The following WDR41 variants were observed in gnomAD, a reference collection of about 807,000 sequenced individuals.
WDR41 encodes the protein WD repeat domain 41.
Under a neutral mutation model 69.3 loss-of-function variants are expected in WDR41, and 63 were observed. The ratio of observed to expected loss-of-function variants is 0.91; its 90% CI spans 0.74 to 1.12. WDR41 has a LOEUF of 1.12. Ranked by LOEUF, WDR41 falls within the 50% of genes most tolerant of loss-of-function variation. The probability of loss-of-function intolerance (pLI) is 0.00; values close to 1 mark genes in which losing one functional copy is unlikely to be tolerated. For synonymous variants in WDR41, 185 were observed against 192.1 expected, an observed-to-expected ratio of 0.96 and a Z score of 0.31; for missense variants, 543 against 534.5, an observed-to-expected ratio of 1.02 and a Z score of -0.16.
Position 77,432,566 on chromosome 5 carries a change from T to G in WDR41, c.*569A>C, listed in dbSNP as rs1374231901. ...CACCCTCACAAGATGCCTATCCATT[T>G]GAGTTCATACAGGTTTTAGTAGCTA... is the stretch of plus-strand genomic sequence containing the variant. On this transcript the variant is annotated 3_prime_UTR_variant, in exon 13 of 13. Coordinates refer to ENST00000296679, the MANE Select transcript of WDR41 (RefSeq NM_018268.4). 3.9e-5 allele frequency: 6 copies of G among 152,282 alleles called. No individual in the cohort carries two copies. The highest frequency in any genetic ancestry group is 1.4e-4 in the African/African-American group (6 of 41,462). 9.4% of individuals were successfully genotyped at this position (152,282 alleles called of 1,614,324 possible). A position where few individuals can be genotyped will look rare whatever the true frequency, so the allele number is the denominator to read the frequency against.
At chr5:77,522,069 A>G (rs1802378262) in intron 1 of WDR41, among the ~76,000 whole-genome samples, 1 of 152,216 alleles carries the variant, frequency 6.6e-6, no homozygotes, top group South Asian at 2.1e-4. Flanking sequence ...GAACTTCATG[A>G]CCAATAGGTG....
chr5:77,563,814 T>C (rs1297320002), intron 1 of WDR41, among the ~76,000 whole-genome samples: 1 of 152,214 alleles, frequency 6.6e-6, no homozygotes, highest in Non-Finnish European at 1.5e-5. Context: ...TTTTAAAATA[T>C]AGAATTCAAA....
intron 1 of WDR41, among the ~76,000 whole-genome samples, chr5:77,595,255 G>A (rs762618346): frequency 1.9e-4 from 29 of 152,130 alleles, no homozygotes; most frequent in Admixed American, 4.6e-4. Context: ...TATAGAGTGC[G>A]TGACCAATAA....
chr5:77,582,788 C>A, intron 1 of WDR41: 1 of 1,600,224 alleles, frequency 6.2e-7, no homozygotes, highest in Middle Eastern at 1.7e-4. Context: ...ATTGTAGAGC[C>A]ATATATAGCA....
chr5:77,599,388 C>T (rs986702180), intron 1 of WDR41, among the ~76,000 whole-genome samples: 13 of 151,888 alleles, frequency 8.6e-5, no homozygotes, highest in African/African-American at 2.4e-4. Flanking sequence ...TTAGTAGAGA[C>T]GGGGTTTCAC....
At chr5:77,455,986 AC>A (rs60296960) in intron 5 of WDR41, among the ~76,000 whole-genome samples, 69,977 of 148,990 alleles carry the variant, frequency 0.47, 16,416 homozygotes, top group Admixed American at 0.56. Context: ...CAAAAAAAAA[AC>A]AACAAAAAAA....
intron 1 of WDR41, among the ~76,000 whole-genome samples, chr5:77,551,066 A>G (rs1743286646): frequency 6.6e-6 from 1 of 152,132 alleles, no homozygotes; most frequent in Admixed American, 6.6e-5. Flanking sequence ...GGAGAGAGAG[A>G]GGGGAGTAAG....
chr5:77,507,760 G>T (rs564074215), intron 1 of WDR41, among the ~76,000 whole-genome samples: 2 of 152,244 alleles, frequency 1.3e-5, no homozygotes, highest in South Asian at 4.2e-4. Flanking sequence ...TCTACTTAGA[G>T]TTTATTATGT....
chr5:77,444,111 C>A lies in WDR41; in HGVS notation c.698-3114G>T, dbSNP rs577813366. ...GCCAGGCTGGTCTCAAACTCCTGAC[C>A]TCAGGTGATCCACCCACCTCAAGCT... is the stretch of plus-strand genomic sequence containing the variant. On this transcript the variant is annotated intron_variant, in intron 8 of 12. Coordinates refer to ENST00000296679, the MANE Select transcript of WDR41 (RefSeq NM_018268.4). Among the ~76,000 whole-genome samples, 12 of 152,168 alleles carry A rather than the reference C, an allele frequency of 7.9e-5. No homozygotes were observed. In the South Asian group the frequency reaches 2.5e-3, roughly 32 times the overall value.
chr5:77,549,375 G>T (rs758330851), intron 1 of WDR41, among the ~76,000 whole-genome samples: 12 of 151,806 alleles, frequency 7.9e-5, no homozygotes, highest in Admixed American at 3.9e-4. Flanking sequence ...CTATCAAAAG[G>T]CTCCTAAAAC....
Position 77,453,845 on chromosome 5 carries a change from C to T in WDR41, c.495G>A (p.Leu165=), listed in dbSNP as rs1799718269. ...TATCAGAAAGGTGGCTAGTCTTACACAGGAGATCTAATTTTCGGTTCCACA... is the reference window on the plus strand; with the variant it reads ...TATCAGAAAGGTGGCTAGTCTTACATAGGAGATCTAATTTTCGGTTCCACA... ...LCVWNRKLDL[L]CKTSHLSDTG... The change falls in exon 6 of 13, where the codon CTG becomes CTA. Residue 165 remains leucine (L), a synonymous_variant. Coordinates refer to ENST00000296679, the MANE Select transcript of WDR41 (RefSeq NM_018268.4). The T allele has an allele frequency of 2.5e-6, 4 of 1,614,026 alleles. No individual in the cohort carries two copies. The highest frequency in any genetic ancestry group is 3.4e-6 in the Non-Finnish European group (4 of 1,179,976).
At chr5:77,562,291 T>C (rs1743542197) in intron 1 of WDR41, among the ~76,000 whole-genome samples, 1 of 152,196 alleles carries the variant, frequency 6.6e-6, no homozygotes, top group Admixed American at 6.5e-5. Flanking sequence ...AGGTGAGTTT[T>C]CTACATGTGA....
chr5:77,608,600 A>G (rs1382160406), intron 1 of WDR41, among the ~76,000 whole-genome samples: 2 of 152,238 alleles, frequency 1.3e-5, no homozygotes, highest in East Asian at 3.8e-4. Flanking sequence ...CATTTCCATC[A>G]CTGCAAAAGT....
chr5:77,609,697 A>G (rs1257240826), intron 1 of WDR41, among the ~76,000 whole-genome samples: 3 of 152,056 alleles, frequency 2.0e-5, no homozygotes, highest in Admixed American at 6.5e-5. Flanking sequence ...TAAAACCACA[A>G]AGATGGGGAA....
In WDR41 at chr5:77,438,223, C is replaced by T; in HGVS notation, c.1004+17G>A. 6.2e-7 allele frequency: 1 copy of T among 1,613,548 alleles called. No individual in the cohort carries two copies. The highest frequency in any genetic ancestry group is 8.5e-7 in the Non-Finnish European group (1 of 1,179,648). ...TGACTTGCTTTCATCTATTGCAGAACAGATGGGAACTTGTACCTGTTTGGA... is the reference window on the plus strand; with the variant it reads ...TGACTTGCTTTCATCTATTGCAGAATAGATGGGAACTTGTACCTGTTTGGA... On this transcript the variant is annotated intron_variant, in intron 10 of 12. Transcript: ENST00000296679.
At chr5:77,444,135 C>T (rs1799284017) in intron 8 of WDR41, among the ~76,000 whole-genome samples, 1 of 151,268 alleles carries the variant, frequency 6.6e-6, no homozygotes, top group East Asian at 1.9e-4. Context: ...CCACCTCAAG[C>T]TCCCAAAGTG....
At chr5:77,616,499 G>T (rs1482215355) in intron 1 of WDR41, among the ~76,000 whole-genome samples, 3 of 152,204 alleles carry the variant, frequency 2.0e-5, no homozygotes, top group Non-Finnish European at 4.4e-5. Context: ...GGGAGAAAGT[G>T]AGGCTAATTT....
At chr5:77,530,093 T>C (rs1223656748) in intron 1 of WDR41, among the ~76,000 whole-genome samples, 1 of 151,584 alleles carries the variant, frequency 6.6e-6, no homozygotes, top group Non-Finnish European at 1.5e-5. Flanking sequence ...ACATCATTAG[T>C]CATCAATGCA....
At chr5:77,559,486 G>A (rs1216562639) in intron 1 of WDR41, among the ~76,000 whole-genome samples, 1 of 152,016 alleles carries the variant, frequency 6.6e-6, no homozygotes, top group Non-Finnish European at 1.5e-5. Context: ...GACCGTACTG[G>A]TGGTAATGTA....
Sources: allele counts gnomAD v4.1 joint callset (sites outside exome capture counted in the v4.1 genomes callset), GRCh38; gene constraint gnomAD v4.1.1; transcripts MANE v1.5; gene names NCBI Gene and HGNC (gene_info 2026-07-23, HGNC 2026-07-21).